CEP89: variants seen among roughly 807,000 people sequenced by gnomAD.
CEP89 encodes centrosomal protein of 89 kDa.
A neutral mutation model predicts 97.6 loss-of-function variants in CEP89; 95 were observed. The observed-to-expected ratio is 0.97, with a 90% CI of 0.82 to 1.15. The LOEUF is 1.15. Among genes scored for constraint, CEP89 ranks in the 50% most tolerant of loss-of-function variants. CEP89 has a pLI of 0.00. For synonymous variants in CEP89, 354 were observed against 349.1 expected, an observed-to-expected ratio of 1.01 and a Z score of -0.16; for missense variants, 869 against 947.7, an observed-to-expected ratio of 0.92 and a Z score of 1.09.
chr19:32,964,929 C>T (rs1971249528), intron 2 of CEP89, among the ~76,000 whole-genome samples: 1 of 152,156 alleles, frequency 6.6e-6, no homozygotes, highest in Non-Finnish European at 1.5e-5. Context: ...GCCTCACTCA[C>T]AACAGCCTCA....
At chr19:32,931,357 A>C in intron 9 of CEP89, 72 bp downstream of exon 9, 2 of 1,332,082 alleles carry the variant, frequency 1.5e-6, no homozygotes, top group Non-Finnish European at 2.1e-6. Flanking sequence ...AGAACCTCTC[A>C]AGATTGGAAA....
At chr19:32,962,839 C>T (rs964775116) in intron 2 of CEP89, among the ~76,000 whole-genome samples, 4 of 152,184 alleles carry the variant, frequency 2.6e-5, no homozygotes, top group African/African-American at 7.2e-5. Flanking sequence ...TCTCTGCTTA[C>T]GTCTCCTGGA....
chr19:32,951,534 T>TATATATATATATACACACACAC (rs1407110112), intron 4 of CEP89, among the ~76,000 whole-genome samples: 8 of 122,042 alleles, frequency 6.6e-5, no homozygotes, highest in African/African-American at 2.4e-4. Flanking sequence ...TATATATATA[T>TATATATATATATACACACACAC]ACACACACAC....
intron 9 of CEP89, among the ~76,000 whole-genome samples, chr19:32,930,588 C>G (rs1393872970): frequency 6.6e-6 from 1 of 152,238 alleles, no homozygotes; most frequent in East Asian, 1.9e-4. Context: ...CCTTCTACCC[C>G]AGCAAGAGCC....
chr19:32,924,725 T>C (rs372166559), intron 11 of CEP89, among the ~76,000 whole-genome samples: 21 of 152,146 alleles, frequency 1.4e-4, no homozygotes, highest in African/African-American at 4.8e-4. Flanking sequence ...CAAACTAAAG[T>C]GTGCAAACCA....
At position 32,933,580 on chromosome 19, in the gene CEP89, T is replaced by C. The variant is rs149865847; in HGVS notation, c.757A>G (p.Met253Val). The change falls in exon 8 of 19, where the codon ATG becomes GTG. Residue 253 changes from methionine (M) to valine (V), a missense_variant. Coordinates refer to ENST00000305768, the MANE Select transcript of CEP89 (RefSeq NM_032816.5). ...AGTTCAAGGGTAAGGCTTTGATTCA[T>C]ATTGTTTAGGTCCATATTTTCTTCT... The part of the protein sequence containing the change: ...LKEENMDLNN[M>V]NQSLTLELNT... 4 of 1,613,118 alleles carry C rather than the reference T, an allele frequency of 2.5e-6. No individual in the cohort carries two copies. Among genetic ancestry groups the C allele is most frequent in the South Asian group, 2.2e-5 (2 of 91,048 alleles).
chr19:32,893,216 G>A (rs1259898503), intron 16 of CEP89, among the ~76,000 whole-genome samples: 2 of 151,950 alleles, frequency 1.3e-5, no homozygotes, highest in Non-Finnish European at 2.9e-5. Flanking sequence ...CATGCAACTG[G>A]AAACCAAAAG....
chr19:32,966,234 C>T (rs1599787313), intron 2 of CEP89, 126 bp downstream of exon 2: 2 of 439,328 alleles, frequency 4.6e-6, no homozygotes, highest in South Asian at 1.5e-4. Flanking sequence ...TCGTGGTAAA[C>T]ATTTTGAAGG....
At chr19:32,932,877 G>A (rs1434551109) in intron 8 of CEP89, among the ~76,000 whole-genome samples, 2 of 152,046 alleles carry the variant, frequency 1.3e-5, no homozygotes, top group African/African-American at 2.4e-5. Flanking sequence ...TTGAGCCCAG[G>A]AGTTCAAGGT....
chr19:32,936,218 A>T lies in CEP89; in HGVS notation c.667+1413T>A, dbSNP rs1468521499. ...AGCGGGGTTTAGGCCAAGCCTGGGC[A>T]CTGTCACAGCCTGGCTGGGAGTGTG... On this transcript the variant is annotated intron_variant, in intron 7 of 18. Transcript: ENST00000305768. The surrounding 1 kb of genome is among the most constrained non-coding windows in gnomAD (Gnocchi z 4.5). Among the ~76,000 whole-genome samples the T allele has an allele frequency of 1.3e-5, 2 of 152,140 alleles. No homozygotes were observed. The highest frequency in any genetic ancestry group is 2.9e-5 in the Non-Finnish European group (2 of 68,008).
intron 18 of CEP89, among the ~76,000 whole-genome samples, chr19:32,880,844 T>C (rs1026640960): frequency 2.0e-5 from 3 of 152,138 alleles, no homozygotes; most frequent in African/African-American, 7.2e-5. Flanking sequence ...AAACCCTGGA[T>C]GTTTGTAGAC....
At chr19:32,958,022 C>CCT (rs58499743) in intron 3 of CEP89, among the ~76,000 whole-genome samples, 1 of 150,998 alleles carries the variant, frequency 6.6e-6, no homozygotes, top group Non-Finnish European at 1.5e-5. Context: ...ATCCCCCCCC[C>CCT]GCCAAAAAAT....
chr19:32,947,597 C>T (rs1970823540), intron 5 of CEP89, among the ~76,000 whole-genome samples: 1 of 152,032 alleles, frequency 6.6e-6, no homozygotes, highest in Non-Finnish European at 1.5e-5. Flanking sequence ...CTCAAGCAAT[C>T]CTCCCACCTC....
chr19:32,933,902 C>T (rs1470360803), intron 7 of CEP89, among the ~76,000 whole-genome samples: 4 of 152,112 alleles, frequency 2.6e-5, no homozygotes, highest in Admixed American at 6.6e-5. Flanking sequence ...TGCAGGAGGC[C>T]GTGCCTATTG....
chr19:32,922,965 G>C (rs1013155752), intron 12 of CEP89, among the ~76,000 whole-genome samples: 2 of 152,254 alleles, frequency 1.3e-5, no homozygotes, highest in African/African-American at 4.8e-5. Context: ...TGCAGAAGGG[G>C]CTTTCGGAGG....
At chr19:32,959,865 C>A in intron 3 of CEP89, 35 bp downstream of exon 3, 1 of 1,611,840 alleles carries the variant, frequency 6.2e-7, no homozygotes, top group Non-Finnish European at 8.5e-7. Flanking sequence ...CTCTTCCACT[C>A]TCAGAGGAAG....
rs537945913 is a variant in CEP89, at chr19:32,945,199, G to A, written c.595+3067C>T. Among the ~76,000 whole-genome samples, 252 of 151,600 alleles carry A rather than the reference G, an allele frequency of 1.7e-3. 1 individual carries two copies. Among genetic ancestry groups the A allele is most frequent in the African/African-American group, 5.9e-3 (245 of 41,300 alleles). On this transcript the variant is annotated intron_variant, in intron 5 of 18. Transcript: ENST00000305768. ...CTCAGGAGGCTGAGGCAGGAGAATG[G>A]CTTGAACCCAGGAGGCGGAGGTTGC...
intron 5 of CEP89, among the ~76,000 whole-genome samples, chr19:32,946,450 T>C (rs1970799953): frequency 6.6e-6 from 1 of 152,164 alleles, no homozygotes; most frequent in African/African-American, 2.4e-5. Context: ...GCATGTGTTG[T>C]GAGATGAAAG....
At chr19:32,967,988 A>T (rs895446900) in intron 1 of CEP89, among the ~76,000 whole-genome samples, 7 of 152,100 alleles carry the variant, frequency 4.6e-5, no homozygotes, top group African/African-American at 1.7e-4. Flanking sequence ...CACGAGACAC[A>T]AGGCTGGGAA....
Sources: allele counts gnomAD v4.1 joint callset (sites outside exome capture counted in the v4.1 genomes callset), GRCh38; gene constraint gnomAD v4.1.1; non-coding constraint Gnocchi (gnomAD v3.1); transcripts MANE v1.5; gene names NCBI Gene and HGNC (gene_info 2026-07-23, HGNC 2026-07-21).